Variants in EIF4ENIF1 observed in about 807,000 individuals in gnomAD.
EIF4ENIF1 encodes the protein eukaryotic translation initiation factor 4E nuclear import factor 1.
EIF4ENIF1 carries 23 observed loss-of-function variants against 110.5 expected under a neutral mutation model. That is an observed-to-expected ratio of 0.21 (90% CI 0.15 to 0.29). EIF4ENIF1 has a LOEUF of 0.29. Ranked by LOEUF, EIF4ENIF1 falls within the 10% of genes least tolerant of loss-of-function variation. The pLI, the probability that EIF4ENIF1 is intolerant of heterozygous loss-of-function variation, is 1.00. For missense variants in EIF4ENIF1, 1,031 were observed against 1,221.1 expected (o/e 0.84, Z 2.32); for synonymous variants, 440 against 437.0 (o/e 1.01, Z -0.09).
Position 31,442,083 on chromosome 22 carries a change from C to G in EIF4ENIF1, c.2242G>C (p.Asp748His). 1 of 1,614,018 alleles carries G rather than the reference C, an allele frequency of 6.2e-7. No individual in the cohort carries two copies. The change falls in exon 17 of 19, where the codon GAT (aspartate) becomes CAT (histidine). Residue 748 changes from aspartate to histidine, a missense_variant. Transcript: ENST00000330125. ...LLSSSSVPSA[D>H]RDSSPTTNSK... ...TTTGTAGTGGGAGAAGAGTCTCGAT[C>G]GGCACTGGGTACAGAGCTGGATGAC... is the stretch of plus-strand genomic sequence containing the variant.
At chr22:31,448,754 G>A (rs1251411337) in intron 12 of EIF4ENIF1, among the ~76,000 whole-genome samples, 1 of 152,138 alleles carries the variant, frequency 6.6e-6, no homozygotes. Context: ...TTCTGAATTA[G>A]CCATAAGACT....
At chr22:31,458,770 C>T (rs567128310) in intron 6 of EIF4ENIF1, 120 bp from the exon 7 acceptor site, 721 of 853,808 alleles carry the variant, frequency 8.4e-4, no homozygotes, top group Middle Eastern at 4.2e-3. Flanking sequence ...GCAGACTTCT[C>T]GTGCAGGTAC....
Position 31,463,726 on chromosome 22 carries a change from C to G in EIF4ENIF1, c.540G>C (p.Leu180Phe), listed in dbSNP as rs1232860201. 3.7e-6 allele frequency: 6 copies of G among 1,610,912 alleles called. No homozygotes were observed. The East Asian group carries it at 1.1e-4, about 30-fold the overall frequency. Residue 180 changes from leucine to phenylalanine, a missense_variant, in exon 5 of 19, where the codon TTG becomes TTC. This residue lies in a region of EIF4ENIF1 where 704 missense variants were observed against 879.7 expected (regional missense o/e 0.80). Coordinates refer to ENST00000330125, the MANE Select transcript of EIF4ENIF1 (RefSeq NM_019843.4). ...AGTCCCTCTCTCGGTCTCTGTCTCTCAAGTCCCGCAGGTCCTTATCGCTAA... is the reference window on the plus strand; with the variant it reads ...AGTCCCTCTCTCGGTCTCTGTCTCTGAAGTCCCGCAGGTCCTTATCGCTAA... ...HRLSDKDLRD[L>F]RDRDRERDFK...
chr22:31,481,193 C>T (rs1348525362), intron 2 of EIF4ENIF1, among the ~76,000 whole-genome samples: 1 of 152,120 alleles, frequency 6.6e-6, no homozygotes, highest in East Asian at 1.9e-4. Context: ...GACAGAGTCT[C>T]ACTCTGTTGC....
chr22:31,457,472 C>G (rs1363325648), intron 7 of EIF4ENIF1, among the ~76,000 whole-genome samples: 1 of 152,130 alleles, frequency 6.6e-6, no homozygotes, highest in Non-Finnish European at 1.5e-5. Context: ...CAGACATATC[C>G]TTGAAAATAA....
At chr22:31,483,231 T>TTTTTA (rs2051892444) in intron 2 of EIF4ENIF1, among the ~76,000 whole-genome samples, 1 of 146,156 alleles carries the variant, frequency 6.8e-6, no homozygotes, top group African/African-American at 2.6e-5. Context: ...TTTTTTTTTT[T>TTTTTA]GAGACAGGGT....
intron 11 of EIF4ENIF1, 135 bp from the exon 12 acceptor site, chr22:31,449,666 T>G: frequency 1.5e-6 from 1 of 678,524 alleles, no homozygotes; most frequent in Non-Finnish European, 2.4e-6. Flanking sequence ...CATGTGTACA[T>G]GCAACACATT....
chr22:31,439,864 A>C lies in EIF4ENIF1; in HGVS notation c.*16T>G, dbSNP rs778296322. 3.7e-6 allele frequency: 6 copies of C among 1,610,740 alleles called. No individual in the cohort carries two copies. In the East Asian group the frequency reaches 1.3e-4, roughly 36 times the overall value. The stretch of plus-strand genomic sequence containing the variant: ...GCCACCACAGGTCCGGGCTTAGTTG[A>C]GTCTGCCTGCCCTGCTCACTGTCGG... On this transcript the variant is annotated 3_prime_UTR_variant, in exon 19 of 19. Coordinates refer to ENST00000330125, the MANE Select transcript of EIF4ENIF1 (RefSeq NM_019843.4).
intron 5 of EIF4ENIF1, 132 bp downstream of exon 5, chr22:31,463,549 G>A (rs1411342276): frequency 9.2e-6 from 8 of 873,912 alleles, no homozygotes; most frequent in Non-Finnish European, 1.4e-5. Flanking sequence ...GGGTATGGTG[G>A]TGCGTGCCTA....
At chr22:31,460,876 C>T (rs764470912) in intron 6 of EIF4ENIF1, among the ~76,000 whole-genome samples, 11 of 152,198 alleles carry the variant, frequency 7.2e-5, no homozygotes, top group African/African-American at 1.9e-4. Context: ...AACCCGGAGG[C>T]GGAGTTTGCC....
At chr22:31,488,029 C>A (rs528141335) in intron 2 of EIF4ENIF1, among the ~76,000 whole-genome samples, 6 of 152,216 alleles carry the variant, frequency 3.9e-5, no homozygotes, top group African/African-American at 1.4e-4. Context: ...GATGCAAGAT[C>A]TTTAATAAAT....
At chr22:31,488,840 A>G in intron 1 of EIF4ENIF1, 95 bp from the exon 2 acceptor site, 1 of 1,399,322 alleles carries the variant, frequency 7.1e-7, no homozygotes. Context: ...TTAATCTCTC[A>G]AAACAGCTAG....
intron 4 of EIF4ENIF1, among the ~76,000 whole-genome samples, chr22:31,467,729 AGAGAATTGCTT>A (rs1400779935): frequency 6.6e-6 from 1 of 152,042 alleles, no homozygotes; most frequent in African/African-American, 2.4e-5. Flanking sequence ...TGGCTAAGGC[AGAGAATTGCTT>A]GAACCCAGGA....
chr22:31,477,183 G>C (rs2051607214), intron 2 of EIF4ENIF1, among the ~76,000 whole-genome samples: 2 of 151,554 alleles, frequency 1.3e-5, no homozygotes, highest in South Asian at 2.1e-4. Context: ...GGCCAACATA[G>C]CAAAACCCTG....
At chr22:31,465,109 A>AG (rs2051140007) in intron 4 of EIF4ENIF1, among the ~76,000 whole-genome samples, 1 of 152,052 alleles carries the variant, frequency 6.6e-6, no homozygotes, top group Non-Finnish European at 1.5e-5. Flanking sequence ...GGATCACCTG[A>AG]GGTTAGGAGT....
At chr22:31,469,956 G>A (rs924487494) in intron 3 of EIF4ENIF1, among the ~76,000 whole-genome samples, 1 of 152,000 alleles carries the variant, frequency 6.6e-6, no homozygotes, top group Non-Finnish European at 1.5e-5. Context: ...CTGAGGTCAG[G>A]AGTTCGAGAC....
At chr22:31,473,146 A>C (rs192251121) in intron 2 of EIF4ENIF1, among the ~76,000 whole-genome samples, 1 of 151,972 alleles carries the variant, frequency 6.6e-6, no homozygotes, top group East Asian at 1.9e-4. Flanking sequence ...CTATTTCCTA[A>C]GAATGAAGAT....
At chr22:31,471,023 A>G (rs899270172) in intron 3 of EIF4ENIF1, among the ~76,000 whole-genome samples, 2 of 151,852 alleles carry the variant, frequency 1.3e-5, no homozygotes, top group Non-Finnish European at 2.9e-5. Context: ...GGACAAAAAA[A>G]AAAAAAGAAA....
At chr22:31,475,862 A>G (rs2146054695) in intron 2 of EIF4ENIF1, among the ~76,000 whole-genome samples, 1 of 152,166 alleles carries the variant, frequency 6.6e-6, no homozygotes, top group Non-Finnish European at 1.5e-5. Flanking sequence ...TCTCAAAAAA[A>G]GAAAAAAACA....
Sources: allele counts gnomAD v4.1 joint callset (sites outside exome capture counted in the v4.1 genomes callset), GRCh38; gene constraint gnomAD v4.1.1; regional missense constraint gnomAD v4.1.1; transcripts MANE v1.5; gene names NCBI Gene and HGNC (gene_info 2026-07-23, HGNC 2026-07-21).